Variants in ADTRP observed in about 807,000 individuals in gnomAD.
The protein encoded by ADTRP is androgen-dependent TFPI-regulating protein.
Under a neutral mutation model 27.0 loss-of-function variants are expected in ADTRP, and 20 were observed. The observed-to-expected ratio is 0.74, with a 90% CI of 0.52 to 1.08. The LOEUF (loss-of-function observed/expected upper bound fraction) is 1.08, where lower values mean the gene tolerates loss of function less well. Ranked by LOEUF, ADTRP falls within the 50% of genes least tolerant of loss-of-function variation. The probability of loss-of-function intolerance (pLI) is 0.00; values close to 1 mark genes in which losing one functional copy is unlikely to be tolerated. For synonymous variants in ADTRP, 101 were observed against 105.2 expected, an observed-to-expected ratio of 0.96 and a Z score of 0.25; for missense variants, 251 against 275.0, an observed-to-expected ratio of 0.91 and a Z score of 0.62.
chr6:11,735,660 T>C lies in ADTRP; in HGVS notation c.414A>G (p.Thr138=), dbSNP rs900183162. Residue 138 remains threonine, a synonymous_variant, in exon 4 of 6, where the codon ACA becomes ACG. Coordinates refer to ENST00000414691, the MANE Select transcript of ADTRP (RefSeq NM_032744.4). ...GAGGCCTGAGGACGACTTCAGCCAA[T>C]GTGATGGGGAATATGAAAGTGTGCT... ...HAMHTFIFPI[T]LAEVVLRPHS... 2 of 1,613,780 alleles carry C rather than the reference T, an allele frequency of 1.2e-6. No homozygotes were observed. The highest frequency in any genetic ancestry group is 1.3e-5 in the African/African-American group (1 of 75,010).
chr6:11,753,171 A>G (rs1346728773), intron 3 of ADTRP, among the ~76,000 whole-genome samples: 1 of 152,240 alleles, frequency 6.6e-6, no homozygotes, highest in African/African-American at 2.4e-5. Flanking sequence ...CAACTTGGAC[A>G]TAGAGCTAAG....
At chr6:11,752,452 C>T (rs1763088862) in intron 3 of ADTRP, among the ~76,000 whole-genome samples, 1 of 152,064 alleles carries the variant, frequency 6.6e-6, no homozygotes, top group African/African-American at 2.4e-5. Flanking sequence ...CTTGGGAAAA[C>T]AGAAGCCCAT....
chr6:11,716,751 G>C lies in ADTRP; in HGVS notation c.659-2239C>G, dbSNP rs1404468742. On this transcript the variant is annotated intron_variant, in intron 5 of 5. Transcript: ENST00000414691. The stretch of plus-strand genomic sequence containing the variant: ...TTTTTTTGAGACAGGGTCTTCCTCT[G>C]TCACCCAGGCTGGAAGGCAGTGGTG... Among the ~76,000 whole-genome samples, 50 of 124,634 alleles carry C rather than the reference G, an allele frequency of 4.0e-4. No individual in the cohort carries two copies. The Middle Eastern group carries it at 0.022, about 55-fold the overall frequency. The allele number at this position is 124,634 out of a possible 152,430, so 81.8% of individuals were successfully genotyped here.
intron 2 of ADTRP, 78 bp downstream of exon 2, chr6:11,768,171 A>G (rs572234528): frequency 6.4e-7 from 1 of 1,559,606 alleles, no homozygotes; most frequent in South Asian, 1.2e-5. Context: ...TGGGCTCCCA[A>G]ACAGCTTGGC....
intron 3 of ADTRP, among the ~76,000 whole-genome samples, chr6:11,758,563 A>C (rs1763286831): frequency 5.1e-5 from 2 of 39,148 alleles, no homozygotes; most frequent in Non-Finnish European, 9.0e-5. Flanking sequence ...CACACCGGGG[A>C]CTGTTGTGGG....
At chr6:11,757,984 G>A (rs1019681945) in intron 3 of ADTRP, among the ~76,000 whole-genome samples, 1 of 152,104 alleles carries the variant, frequency 6.6e-6, no homozygotes, top group Admixed American at 6.6e-5. Flanking sequence ...AGCCTGCCTT[G>A]GGCTCAGACA....
In ADTRP at chr6:11,726,095, G is replaced by A. The variant is rs1762186814; in HGVS notation, c.507-2595C>T. On this transcript the variant is annotated intron_variant, in intron 4 of 5. Coordinates refer to ENST00000414691, the MANE Select transcript of ADTRP (RefSeq NM_032744.4). ...ACATTCTGACACATGCTACCACACA[G>A]ATCAACTTTGAAGACATGGTAAGTG... 3.3e-5 allele frequency among the ~76,000 whole-genome samples: 5 copies of A among 152,130 alleles called. No individual in the cohort carries two copies. In the South Asian group the frequency reaches 1.0e-3, roughly 31 times the overall value.
chr6:11,771,783 G>A (rs1358388785), intron 1 of ADTRP, among the ~76,000 whole-genome samples: 1 of 152,082 alleles, frequency 6.6e-6, no homozygotes, highest in Non-Finnish European at 1.5e-5. Context: ...ACTATGACTG[G>A]TGTCCTTATC....
chr6:11,714,368 C>T lies in ADTRP; in HGVS notation c.*110G>A, dbSNP rs554134374. The T allele has an allele frequency of 4.0e-6, 5 of 1,250,258 alleles. No individual in the cohort carries two copies. The East Asian group carries it at 1.2e-4, about 30-fold the overall frequency. The allele number at this position is 1,250,258 out of a possible 1,614,324, so 77.4% of individuals were successfully genotyped here. A position where few individuals can be genotyped will look rare whatever the true frequency, so the allele number is the denominator to read the frequency against. ...AATTTAAGTATCACTCTCTGTCCCT[C>T]CTACTTTGCTATGTTCCTCCACCAC... On this transcript the variant is annotated 3_prime_UTR_variant, in exon 6 of 6. Coordinates refer to ENST00000414691, the MANE Select transcript of ADTRP (RefSeq NM_032744.4).
At chr6:11,753,700 G>A (rs543767441) in intron 3 of ADTRP, among the ~76,000 whole-genome samples, 1 of 152,274 alleles carries the variant, frequency 6.6e-6, no homozygotes, top group Non-Finnish European at 1.5e-5. Context: ...TGTTAGATAG[G>A]TTAAGTATTT....
rs148272585 is a variant in ADTRP, at chr6:11,746,774, C to G, written c.391-11091G>C. ...GACAAGAAGGCTGTTGGTAAGCATG[C>G]AGGCCAGGCGCTTGCCCCTTGTGTT... On this transcript the variant is annotated intron_variant, in intron 3 of 5. Coordinates refer to ENST00000414691, the MANE Select transcript of ADTRP (RefSeq NM_032744.4). Among the ~76,000 whole-genome samples, 1,118 of 152,260 alleles carry G rather than the reference C, an allele frequency of 7.3e-3. 15 individuals carry two copies. The highest frequency in any genetic ancestry group is 0.025 in the African/African-American group (1,056 of 41,540).
At chr6:11,753,821 T>C (rs1045885461) in intron 3 of ADTRP, among the ~76,000 whole-genome samples, 2 of 152,200 alleles carry the variant, frequency 1.3e-5, no homozygotes, top group African/African-American at 4.8e-5. Flanking sequence ...TGTCCTAAGA[T>C]GATAGCAAAA....
chr6:11,750,028 C>T (rs1410686948), intron 3 of ADTRP, among the ~76,000 whole-genome samples: 4 of 152,140 alleles, frequency 2.6e-5, no homozygotes, highest in South Asian at 2.1e-4. Flanking sequence ...TCTTGTAGAG[C>T]GGTCAGTTCC....
At chr6:11,762,132 T>C (rs1326498529) in intron 3 of ADTRP, among the ~76,000 whole-genome samples, 1 of 152,202 alleles carries the variant, frequency 6.6e-6, no homozygotes, top group East Asian at 1.9e-4. Context: ...AGATTTTAAG[T>C]TTTACTCCCT....
At chr6:11,751,515 C>T (rs556845894) in intron 3 of ADTRP, among the ~76,000 whole-genome samples, 1 of 152,208 alleles carries the variant, frequency 6.6e-6, no homozygotes, top group African/African-American at 2.4e-5. Context: ...TAGCCCCTCA[C>T]CCCCCAACAC....
At position 11,768,235 on chromosome 6, in the gene ADTRP, T is replaced by A. The variant is rs1406301778; in HGVS notation, c.288+14A>T. The A allele has an allele frequency of 1.9e-6, 3 of 1,613,884 alleles. No individual in the cohort carries two copies. Among genetic ancestry groups the A allele is most frequent in the Admixed American group, 3.3e-5 (2 of 59,988 alleles). ...ACATTTCTGTTAGATTATGTACACA[T>A]CTTTGAAACTTACCGTGGATACAGG... On this transcript the variant is annotated intron_variant, in intron 2 of 5. Transcript: ENST00000414691.
intron 3 of ADTRP, among the ~76,000 whole-genome samples, chr6:11,761,482 T>C (rs1036036206): frequency 1.3e-5 from 2 of 152,248 alleles, no homozygotes; most frequent in African/African-American, 4.8e-5. Context: ...CTTATTATTA[T>C]ACATCTTAGC....
At chr6:11,770,210 C>A in intron 1 of ADTRP, 1 of 848,676 alleles carries the variant, frequency 1.2e-6, no homozygotes, top group South Asian at 1.5e-5. Flanking sequence ...TCACAAACCA[C>A]CGCTGCCTGG....
At chr6:11,737,550 C>T (rs967801136) in intron 3 of ADTRP, among the ~76,000 whole-genome samples, 6 of 152,142 alleles carry the variant, frequency 3.9e-5, no homozygotes, top group South Asian at 2.1e-4. Flanking sequence ...CTACGGCAGT[C>T]GGATATCATA....
Sources: gnomAD v4.1 joint callset for allele counts (sites outside exome capture counted in the v4.1 genomes callset) on GRCh38, gnomAD v4.1.1 for gene constraint, MANE v1.5 for transcripts, NCBI Gene and HGNC (gene_info 2026-07-23, HGNC 2026-07-21) for gene names.